PLXNC1: variants seen among roughly 807,000 people sequenced by gnomAD.
The protein encoded by PLXNC1 is plexin-C1.
In PLXNC1, 75 loss-of-function variants were observed where a neutral mutation model predicts 178.2. That is an observed-to-expected ratio of 0.42 (90% CI 0.35 to 0.51). The LOEUF is 0.51. PLXNC1 is among the 20% of genes least tolerant of loss of function. PLXNC1 has a pLI of 0.02. For missense variants in PLXNC1, 1,503 were observed against 1,984.4 expected (o/e 0.76, Z 4.61); for synonymous variants, 790 against 779.9 (o/e 1.01, Z -0.22).
At chr12:94,299,118 T>G (rs1968214711) in intron 27 of PLXNC1, among the ~76,000 whole-genome samples, 1 of 152,204 alleles carries the variant, frequency 6.6e-6, no homozygotes, top group Non-Finnish European at 1.5e-5. Context: ...CATTTTTGCA[T>G]TAGAGAAAAT....
chr12:94,155,789 C>T (rs567603668), intron 1 of PLXNC1, among the ~76,000 whole-genome samples: 64 of 152,316 alleles, frequency 4.2e-4, no homozygotes, highest in Admixed American at 1.0e-3. Flanking sequence ...GAACCAATTC[C>T]GCACACCAGA....
At chr12:94,153,866 T>A (rs1456113439) in intron 1 of PLXNC1, among the ~76,000 whole-genome samples, 1 of 152,152 alleles carries the variant, frequency 6.6e-6, no homozygotes, top group Admixed American at 6.5e-5. Context: ...CCAAGGAACA[T>A]GTGTGGAGAA....
intron 7 of PLXNC1, 83 bp from the exon 8 acceptor site, chr12:94,226,522 G>A: frequency 1.2e-6 from 1 of 808,336 alleles, no homozygotes; most frequent in Non-Finnish European, 2.0e-6. Context: ...TTAAATGCTT[G>A]CATGCCACAT....
At chr12:94,202,794 C>T (rs1353367800) in intron 4 of PLXNC1, among the ~76,000 whole-genome samples, 2 of 152,132 alleles carry the variant, frequency 1.3e-5, no homozygotes, top group Non-Finnish European at 2.9e-5. Context: ...GACTCATCAA[C>T]CAAACTTACC....
chr12:94,177,526 G>GAAAGAAA (rs1555195721), intron 2 of PLXNC1, among the ~76,000 whole-genome samples: 6 of 133,116 alleles, frequency 4.5e-5, no homozygotes, highest in African/African-American at 1.6e-4. Context: ...AGAGAGAGAG[G>GAAAGAAA]GAGAAAGAAA....
intron 9 of PLXNC1, among the ~76,000 whole-genome samples, chr12:94,228,227 G>A (rs1322316408): frequency 2.6e-5 from 4 of 152,192 alleles, no homozygotes; most frequent in South Asian, 4.1e-4. Context: ...TTGATGCTCA[G>A]GTATCTCCAG....
At chr12:94,219,120 A>G (rs888975571) in intron 5 of PLXNC1, among the ~76,000 whole-genome samples, 20 of 152,344 alleles carry the variant, frequency 1.3e-4, no homozygotes, top group African/African-American at 4.1e-4. Context: ...ATGCTCAGGA[A>G]ATGGTAAGAA....
chr12:94,248,394 C>T lies in PLXNC1; in HGVS notation c.2760C>T (p.Asn920=). 6.2e-7 allele frequency: 1 copy of T among 1,606,432 alleles called. No homozygotes were observed. The highest frequency in any genetic ancestry group is 8.5e-7 in the Non-Finnish European group (1 of 1,177,492). Residue 920 remains asparagine (N), a synonymous_variant, in exon 14 of 31, where the codon AAC becomes AAT. Transcript: ENST00000258526. ...KGIKTASTIA[N]SSKKVRVKLG... ...TCAAGACTGCAAGCACCATTGCCAA[C>T]TCTTCTAAGAAAGTTCGGGTAAGTG...
At chr12:94,261,896 C>T (rs1964998751) in intron 20 of PLXNC1, among the ~76,000 whole-genome samples, 1 of 152,082 alleles carries the variant, frequency 6.6e-6, no homozygotes, top group African/African-American at 2.4e-5. Context: ...CTCACCAACC[C>T]CTCCCTCTCC....
Position 94,240,665 on chromosome 12 carries a change from G to T in PLXNC1, c.2300+1G>T. Reference sequence around the variant, plus strand: ...TATTTCCTGCTACCACCTGGATCAGGTACTTTCTAGATTCATAATCTTTTT... The same window carrying T: ...TATTTCCTGCTACCACCTGGATCAGTTACTTTCTAGATTCATAATCTTTTT... On this transcript the variant is annotated splice_donor_variant, in intron 11 of 30. Coordinates refer to ENST00000258526, the MANE Select transcript of PLXNC1 (RefSeq NM_005761.3). LOFTEE classifies it high-confidence loss of function. 6.2e-7 allele frequency: 1 copy of T among 1,604,496 alleles called. No homozygotes were observed. The highest frequency in any genetic ancestry group is 8.5e-7 in the Non-Finnish European group (1 of 1,173,530).
chr12:94,281,965 G>T (rs1966473682), intron 22 of PLXNC1: 1 of 277,372 alleles, frequency 3.6e-6, no homozygotes, highest in South Asian at 3.6e-5. Flanking sequence ...CTCTCTTTGT[G>T]AACATGGGCA....
intron 21 of PLXNC1, chr12:94,278,062 CT>C (rs1372745594): frequency 4.2e-5 from 19 of 455,964 alleles, no homozygotes; most frequent in East Asian, 6.9e-5. Context: ...GGAGCCCCCC[CT>C]CCCTCTGTCT....
At position 94,282,357 on chromosome 12, in the gene PLXNC1, C is replaced by A; in HGVS notation, c.3835C>A (p.Leu1279Ile). The change falls in exon 23 of 31, where the codon CTT (leucine) becomes ATT (isoleucine). Residue 1279 changes from leucine (L) to isoleucine (I), a missense_variant. By Grantham distance (5) the Leu-to-Ile change is conservative. This residue lies in a region of PLXNC1 where 639 missense variants were observed against 979.7 expected (regional missense o/e 0.65). Coordinates refer to ENST00000258526, the MANE Select transcript of PLXNC1 (RefSeq NM_005761.3). ...GGACATCGACAGTTCCTCCGTGATT[C>A]TTGAAGATGGAATCACCAAGCTAAA... The part of the protein sequence containing the change: ...LLDIDSSSVI[L>I]EDGITKLNTI... 6.2e-7 allele frequency: 1 copy of A among 1,614,024 alleles called. No individual in the cohort carries two copies. The highest frequency in any genetic ancestry group is 8.5e-7 in the Non-Finnish European group (1 of 1,179,874).
chr12:94,270,603 C>G (rs1190949941), intron 21 of PLXNC1, among the ~76,000 whole-genome samples: 1 of 152,076 alleles, frequency 6.6e-6, no homozygotes, highest in African/African-American at 2.4e-5. Context: ...CACCCCCAAC[C>G]CTGCACCCGC....
chr12:94,268,676 C>T (rs1965396350), intron 21 of PLXNC1, among the ~76,000 whole-genome samples: 1 of 147,214 alleles, frequency 6.8e-6, no homozygotes, highest in East Asian at 2.0e-4. Flanking sequence ...CTCACTGCAA[C>T]CTCCGCCTCT....
At chr12:94,243,479 A>T (rs73366664) in intron 11 of PLXNC1, among the ~76,000 whole-genome samples, 1 of 152,210 alleles carries the variant, frequency 6.6e-6, no homozygotes. Context: ...ACCTTGCCCA[A>T]AGTGTTTCCT....
chr12:94,218,498 T>A (rs1046989226), intron 5 of PLXNC1, among the ~76,000 whole-genome samples: 1 of 152,128 alleles, frequency 6.6e-6, no homozygotes, highest in African/African-American at 2.4e-5. Flanking sequence ...CTTCCTGCAC[T>A]CCCAGGTTCC....
intron 11 of PLXNC1, among the ~76,000 whole-genome samples, 184 bp downstream of exon 11, chr12:94,240,848 G>C (rs1336115999): frequency 2.0e-5 from 3 of 152,150 alleles, no homozygotes; most frequent in African/African-American, 7.2e-5. Context: ...CATGCTCATC[G>C]TGAATGCTAT....
intron 23 of PLXNC1, among the ~76,000 whole-genome samples, chr12:94,284,549 A>C (rs1269805428): frequency 6.6e-6 from 1 of 152,110 alleles, no homozygotes; most frequent in Non-Finnish European, 1.5e-5. Context: ...ATAGTTTTGC[A>C]ATGGCGATTT....
Sources: gnomAD v4.1 joint callset for allele counts (sites outside exome capture counted in the v4.1 genomes callset) on GRCh38, gnomAD v4.1.1 for gene constraint, gnomAD v4.1.1 regional missense constraint, MANE v1.5 for transcripts, NCBI Gene and HGNC (gene_info 2026-07-23, HGNC 2026-07-21) for gene names.